Variants in FBLN1 observed in about 807,000 individuals in gnomAD.
The protein encoded by FBLN1 is fibulin 1.
A neutral mutation model predicts 89.7 loss-of-function variants in FBLN1; 34 were observed. The observed-to-expected ratio is 0.38, with a 90% confidence interval of 0.29 to 0.50. The LOEUF (loss-of-function observed/expected upper bound fraction) is 0.50, where lower values mean the gene tolerates loss of function less well. Among genes scored for constraint, FBLN1 ranks in the 20% least tolerant of loss-of-function variants. The pLI is 0.92. For synonymous variants in FBLN1, 393 were observed against 391.3 expected, an observed-to-expected ratio of 1.00 and a Z score of -0.05; for missense variants, 777 against 988.1, an observed-to-expected ratio of 0.79 and a Z score of 2.86.
intron 12 of FBLN1, among the ~76,000 whole-genome samples, chr22:45,548,276 C>T (rs776108879): frequency 5.3e-5 from 8 of 152,228 alleles, no homozygotes; most frequent in African/African-American, 1.9e-4. Flanking sequence ...GTCTCGAACT[C>T]CTGGGCTCAA....
intron 16 of FBLN1, among the ~76,000 whole-genome samples, chr22:45,582,431 C>T (rs368634869): frequency 2.6e-5 from 4 of 152,276 alleles, no homozygotes; most frequent in South Asian, 4.1e-4. Flanking sequence ...CACCATGCTG[C>T]GGAATGGCGA....
rs776048831 is a variant in FBLN1 at position 45,547,070 on chromosome 22, C to T, written c.1322-15C>T. 8.7e-6 allele frequency: 14 copies of T among 1,613,972 alleles called. No homozygotes were observed. The highest frequency in any genetic ancestry group is 4.0e-5 in the African/African-American group (3 of 75,030). The stretch of plus-strand genomic sequence containing the variant: ...GTATGATGCTCTGAGCGGTGACCCT[C>T]GTTTTGTATTTCAGACATCAATGAG... On this transcript the variant is annotated splice_polypyrimidine_tract_variant and intron_variant, in intron 11 of 16. Coordinates refer to ENST00000327858, the MANE Select transcript of FBLN1 (RefSeq NM_006486.3).
chr22:45,529,628 G>A lies in FBLN1; in HGVS notation c.484+1619G>A, dbSNP rs991804629. Among the ~76,000 whole-genome samples, 4 of 152,224 alleles carry A rather than the reference G, an allele frequency of 2.6e-5. No homozygotes were observed. In the East Asian group the frequency reaches 7.7e-4, roughly 29 times the overall value. On this transcript the variant is annotated intron_variant, in intron 4 of 16. Coordinates refer to ENST00000327858, the MANE Select transcript of FBLN1 (RefSeq NM_006486.3). The stretch of plus-strand genomic sequence containing the variant: ...CGCCTGTAATCCCAGCACTTTGGGA[G>A]GCCGAGGCAGGCGGATCACCTGAGG...
Position 45,550,623 on chromosome 22 carries a change from C to T in FBLN1, c.1697+8C>T. On this transcript the variant is annotated splice_region_variant and intron_variant, in intron 14 of 16. Coordinates refer to ENST00000327858, the MANE Select transcript of FBLN1 (RefSeq NM_006486.3). The surrounding 1 kb of genome is among the most constrained non-coding windows in gnomAD (Gnocchi z 8.4). ...CCGCCGCTCCGCAGCCACGTAAGTC[C>T]CTTGGACCATGCCATCGTCGTCTGT... 1.2e-6 allele frequency: 2 copies of T among 1,614,074 alleles called. No individual in the cohort carries two copies. The highest frequency in any genetic ancestry group is 1.7e-6 in the Non-Finnish European group (2 of 1,180,042).
In FBLN1 at chr22:45,503,019, C is replaced by T. The variant is rs1461977715; in HGVS notation, c.34C>T (p.Leu12Phe). ...CGCCGCGCCGTCGCGCCGGGTCCCG[C>T]TTCCGCTGCTGCTGCTCGGCGGCCT... ...ERAAPSRRVP[L>F]PLLLLGGLAL... The change falls in exon 1 of 17, where the codon CTT becomes TTT. Residue 12 changes from leucine to phenylalanine, a missense_variant. Coordinates refer to ENST00000327858, the MANE Select transcript of FBLN1 (RefSeq NM_006486.3). The T allele has an allele frequency of 9.6e-6, 12 of 1,248,114 alleles. No individual in the cohort carries two copies. The highest frequency in any genetic ancestry group is 3.3e-5 in the South Asian group (1 of 30,468). The allele number at this position is 1,248,114 out of a possible 1,614,324, so 77.3% of individuals were successfully genotyped here.
intron 16 of FBLN1, among the ~76,000 whole-genome samples, chr22:45,595,515 C>T (rs1267465232): frequency 2.0e-5 from 3 of 152,170 alleles, no homozygotes; most frequent in Non-Finnish European, 4.4e-5. Flanking sequence ...CTAGTGTGGT[C>T]CTTCCTTTCT....
At chr22:45,543,647 C>A in intron 11 of FBLN1, 121 bp downstream of exon 11, 1 of 1,300,730 alleles carries the variant, frequency 7.7e-7, no homozygotes, top group Non-Finnish European at 1.1e-6. Flanking sequence ...GACATGTTAG[C>A]AGGGGAAGTG....
chr22:45,545,205 C>G lies in FBLN1; in HGVS notation c.1321+1679C>G, dbSNP rs1261371114. ...GTGTATGGACAAGGAACAAGATTCACGAGTTGAGTCTCTCAGGCTTGTGTT... is the reference window on the plus strand; with the variant it reads ...GTGTATGGACAAGGAACAAGATTCAGGAGTTGAGTCTCTCAGGCTTGTGTT... On this transcript the variant is annotated intron_variant, in intron 11 of 16. Transcript: ENST00000327858. The surrounding 1 kb of genome is among the most constrained non-coding windows in gnomAD (Gnocchi z 5.9). Among the ~76,000 whole-genome samples, 1 of 152,184 alleles carries G rather than the reference C, an allele frequency of 6.6e-6. No individual in the cohort carries two copies. The highest frequency in any genetic ancestry group is 1.5e-5 in the Non-Finnish European group (1 of 68,040).
intron 1 of FBLN1, among the ~76,000 whole-genome samples, chr22:45,505,652 G>A (rs2146933655): frequency 6.6e-6 from 1 of 152,204 alleles, no homozygotes; most frequent in Admixed American, 6.5e-5. Flanking sequence ...GCCATGAGAT[G>A]GTTTGGTGGT....
At chr22:45,595,792 C>G (rs976935972) in intron 16 of FBLN1, among the ~76,000 whole-genome samples, 11 of 152,294 alleles carry the variant, frequency 7.2e-5, no homozygotes, top group African/African-American at 2.7e-4. Flanking sequence ...GTGGTCATTT[C>G]TCAGTGGAAA....
At chr22:45,512,405 C>T (rs1464074187) in intron 1 of FBLN1, among the ~76,000 whole-genome samples, 1 of 152,072 alleles carries the variant, frequency 6.6e-6, no homozygotes, top group African/African-American at 2.4e-5. Flanking sequence ...CTGTTAGCCC[C>T]AGTCCCCTTT....
chr22:45,548,743 A>C lies in FBLN1; in HGVS notation c.1572A>C (p.Gln524His). Residue 524 changes from glutamine (Q) to histidine (H), a missense_variant and splice_region_variant, in exon 13 of 17, where the codon CAA becomes CAC. Gln to His is a conservative substitution (Grantham distance 24). Transcript: ENST00000327858. ...YRLAPNGRNCQDIDECVTGIH... is the reference protein window; with the variant it reads ...YRLAPNGRNCHDIDECVTGIH... ...TGGCCCCCAATGGCCGCAACTGCCAAGGTGAGCAGGAGGGATGCCCTGGGG... is the reference window on the plus strand; with the variant it reads ...TGGCCCCCAATGGCCGCAACTGCCACGGTGAGCAGGAGGGATGCCCTGGGG... The C allele has an allele frequency of 6.2e-7, 1 of 1,612,968 alleles. No individual in the cohort carries two copies. The highest frequency in any genetic ancestry group is 1.7e-5 in the Admixed American group (1 of 60,026).
At chr22:45,506,043 A>C (rs973537094) in intron 1 of FBLN1, among the ~76,000 whole-genome samples, 1 of 152,222 alleles carries the variant, frequency 6.6e-6, no homozygotes, top group Non-Finnish European at 1.5e-5. Flanking sequence ...TGCTGGAATT[A>C]CAGGTGTGAG....
At chr22:45,516,130 G>A (rs2088166856) in intron 1 of FBLN1, among the ~76,000 whole-genome samples, 1 of 152,200 alleles carries the variant, frequency 6.6e-6, no homozygotes, top group African/African-American at 2.4e-5. Context: ...AGGCGGCCAG[G>A]AGAGGGTGAC....
rs137859778 is a variant in FBLN1, at chr22:45,556,998, A to C, written c.1697+6383A>C. ...TATTGGACCCTGATTCAGAGCATAC[A>C]TGGCCTTCTGTAGAACTTTGTCCCA... is the stretch of plus-strand genomic sequence containing the variant. On this transcript the variant is annotated intron_variant, in intron 14 of 16. Coordinates refer to ENST00000327858, the MANE Select transcript of FBLN1 (RefSeq NM_006486.3). This position sits in a 1 kb window ranked among gnomAD's most constrained non-coding sequence, Gnocchi z 4.6. Among the ~76,000 whole-genome samples the C allele has an allele frequency of 7.6e-4, 115 of 152,304 alleles. No individual in the cohort carries two copies. Among genetic ancestry groups the C allele is most frequent in the Non-Finnish European group, 9.6e-4 (65 of 68,020 alleles).
At chr22:45,535,638 A>T in intron 8 of FBLN1, 1 of 356,324 alleles carries the variant, frequency 2.8e-6, no homozygotes, top group South Asian at 2.9e-5. Flanking sequence ...AGTAGGCTGG[A>T]TTTGGCCCAA....
chr22:45,560,855 G>A (rs900417660), intron 14 of FBLN1, among the ~76,000 whole-genome samples: 1 of 152,106 alleles, frequency 6.6e-6, no homozygotes, highest in Non-Finnish European at 1.5e-5. Context: ...GGGTGTTAGG[G>A]GTGGCTCCTG....
Position 45,541,302 on chromosome 22 carries a change from C to T in FBLN1, c.996C>T (p.Tyr332=). Residue 332 remains tyrosine, a synonymous_variant, in exon 9 of 17, where the codon TAC becomes TAT. Coordinates refer to ENST00000327858, the MANE Select transcript of FBLN1 (RefSeq NM_006486.3). ...CATGCATCAACACAGAGGGCTCCTA[C>T]ACGTGCCAGAAGAACGTGCCCAACT... ...GHTCINTEGS[Y]TCQKNVPNCG... is the part of the protein sequence containing the mutation. 1 of 1,614,246 alleles carries T rather than the reference C, an allele frequency of 6.2e-7. No homozygotes were observed. Among genetic ancestry groups the T allele is most frequent in the East Asian group, 2.2e-5 (1 of 44,888 alleles).
chr22:45,568,114 G>A (rs967255805), intron 14 of FBLN1, among the ~76,000 whole-genome samples: 6 of 152,196 alleles, frequency 3.9e-5, no homozygotes, highest in East Asian at 3.8e-4. Flanking sequence ...GAGAAGGTCC[G>A]GGTAAATGTG....
Sources: allele counts gnomAD v4.1 joint callset (sites outside exome capture counted in the v4.1 genomes callset), GRCh38; gene constraint gnomAD v4.1.1; non-coding constraint Gnocchi (gnomAD v3.1); transcripts MANE v1.5; gene names NCBI Gene and HGNC (gene_info 2026-07-23, HGNC 2026-07-21).